GSE1: variants seen among roughly 807,000 people sequenced by gnomAD.
GSE1 encodes the protein genetic suppressor element 1.
In GSE1, 32 loss-of-function variants were observed where a neutral mutation model predicts 112.6. The ratio of observed to expected loss-of-function variants is 0.28; its 90% CI spans 0.21 to 0.38. The LOEUF (loss-of-function observed/expected upper bound fraction) is 0.38, where lower values mean the gene tolerates loss of function less well. GSE1 is among the 10% of genes least tolerant of loss of function. The pLI is 1.00. For missense variants in GSE1, 2,348 were observed against 1,699.2 expected (o/e 1.38, Z -6.71); for synonymous variants, 1,115 against 735.6 (o/e 1.52, Z -8.35).
chr16:85,394,836 C>T (rs1373900457), intron 2 of GSE1, among the ~76,000 whole-genome samples: 1 of 152,192 alleles, frequency 6.6e-6, no homozygotes, highest in Non-Finnish European at 1.5e-5. Flanking sequence ...CATGCCAGCC[C>T]TGGCTCCTTG....
At chr16:85,504,207 G>C (rs1197061978) in intron 2 of GSE1, among the ~76,000 whole-genome samples, 1 of 152,244 alleles carries the variant, frequency 6.6e-6, no homozygotes, top group African/African-American at 2.4e-5. Flanking sequence ...GGGCTGAGGA[G>C]GGTGGGTGTG....
At chr16:85,566,522 C>T (rs974316289) in intron 1 of GSE1, among the ~76,000 whole-genome samples, 4 of 152,222 alleles carry the variant, frequency 2.6e-5, no homozygotes, top group Non-Finnish European at 5.9e-5. Context: ...AGCCCGGCCT[C>T]AGCGGAGAAT....
intron 1 of GSE1, among the ~76,000 whole-genome samples, chr16:85,260,073 G>T (rs372452418): frequency 6.6e-6 from 1 of 152,128 alleles, no homozygotes; most frequent in Non-Finnish European, 1.5e-5. Context: ...TGGTGTCCCC[G>T]TGTGAGCCCC....
chr16:85,508,779 TC>T (rs1425133026), intron 2 of GSE1, among the ~76,000 whole-genome samples: 1 of 152,234 alleles, frequency 6.6e-6, no homozygotes, highest in African/African-American at 2.4e-5. Flanking sequence ...TCACGCTTTG[TC>T]TTTTACCTGA....
chr16:85,644,852 A>G (rs1326659260), intron 2 of GSE1, among the ~76,000 whole-genome samples: 2 of 53,924 alleles, frequency 3.7e-5, no homozygotes, highest in African/African-American at 4.2e-4. Flanking sequence ...TGGAGGTTCC[A>G]TGGAATTTTT....
intron 1 of GSE1, among the ~76,000 whole-genome samples, chr16:85,174,241 A>AT (rs1273616760): frequency 1.3e-5 from 2 of 152,176 alleles, no homozygotes; most frequent in Non-Finnish European, 2.9e-5. Flanking sequence ...GAAATCAGGA[A>AT]TAGGAGGTTG....
intron 2 of GSE1, among the ~76,000 whole-genome samples, chr16:85,531,205 T>A (rs1455975581): frequency 6.6e-6 from 1 of 152,226 alleles, no homozygotes; most frequent in African/African-American, 2.4e-5. Flanking sequence ...AGTGTGTCCT[T>A]TAGCCCCACT....
intron 1 of GSE1, among the ~76,000 whole-genome samples, chr16:85,228,057 G>A (rs2075519141): frequency 6.6e-6 from 1 of 152,190 alleles, no homozygotes; most frequent in African/African-American, 2.4e-5. Context: ...CAAGTGGAGG[G>A]GCAGTGGGCG....
At chr16:85,497,931 C>G (rs938152768) in intron 2 of GSE1, among the ~76,000 whole-genome samples, 5 of 152,142 alleles carry the variant, frequency 3.3e-5, no homozygotes, top group African/African-American at 1.2e-4. Flanking sequence ...GCCTGGGGAG[C>G]TGACATCGCT....
chr16:85,312,873 T>G (rs1227838787), intron 1 of GSE1, among the ~76,000 whole-genome samples: 2 of 152,144 alleles, frequency 1.3e-5, no homozygotes, highest in Admixed American at 6.5e-5. Context: ...CTCCCCACAC[T>G]GTCCAACCCT....
intron 2 of GSE1, among the ~76,000 whole-genome samples, chr16:85,644,927 T>C (rs1489182040): frequency 6.6e-6 from 1 of 152,006 alleles, no homozygotes; most frequent in East Asian, 1.9e-4. Context: ...AAGTGAACTT[T>C]TTCTCAAAAT....
At chr16:85,538,114 C>G (rs1014016339) in intron 2 of GSE1, among the ~76,000 whole-genome samples, 5 of 152,346 alleles carry the variant, frequency 3.3e-5, no homozygotes, top group African/African-American at 1.2e-4. Context: ...AATCAGGAGA[C>G]CCAGGCCAGA....
intron 1 of GSE1, among the ~76,000 whole-genome samples, chr16:85,630,711 G>T (rs1288309017): frequency 6.6e-6 from 1 of 152,228 alleles, no homozygotes; most frequent in Non-Finnish European, 1.5e-5. Flanking sequence ...GCCATGGTTG[G>T]GCCGTGTACT....
At chr16:85,613,257 C>T, upstream of GSE1, 1 of 1,526,546 alleles carries the variant, frequency 6.6e-7, no homozygotes. Context: ...GGCCGGGGCC[C>T]CGGAAGCTCC....
rs114873530 is a variant in GSE1 at position 85,475,057 on chromosome 16, C to T, written c.2464+117414C>T. ...TGCTACCACTAATGTGGCCCAGGGACGATAAATTGTGCCTTGTAATAACAC... is the reference window on the plus strand; with the variant it reads ...TGCTACCACTAATGTGGCCCAGGGATGATAAATTGTGCCTTGTAATAACAC... On this transcript the variant is annotated intron_variant, in intron 2 of 2. Coordinates refer to the GSE1 transcript ENST00000637419. Among the ~76,000 whole-genome samples the T allele has an allele frequency of 3.5e-3, 529 of 152,232 alleles. 1 individual carries two copies. Among genetic ancestry groups the T allele is most frequent in the African/African-American group, 0.011 (469 of 41,536 alleles).
chr16:85,376,438 C>T (rs573762160), intron 2 of GSE1, among the ~76,000 whole-genome samples: 34 of 152,292 alleles, frequency 2.2e-4, no homozygotes, highest in South Asian at 1.9e-3. Flanking sequence ...GGTGGCTGCG[C>T]GGGCTGGTCT....
chr16:85,487,601 G>A (rs1012900252), intron 2 of GSE1, among the ~76,000 whole-genome samples: 27 of 152,302 alleles, frequency 1.8e-4, no homozygotes, highest in East Asian at 5.8e-4. Context: ...AGCTGAGAAC[G>A]GCAGAGCCAG....
At chr16:85,254,569 G>A (rs1378386829) in intron 1 of GSE1, among the ~76,000 whole-genome samples, 1 of 152,168 alleles carries the variant, frequency 6.6e-6, no homozygotes, top group African/African-American at 2.4e-5. Flanking sequence ...GCTTCTGGGG[G>A]GCCCTTGCCA....
intron 1 of GSE1, among the ~76,000 whole-genome samples, chr16:85,580,381 C>T (rs928867078): frequency 1.3e-5 from 2 of 152,126 alleles, no homozygotes; most frequent in South Asian, 2.1e-4. Flanking sequence ...GGGCAGCAGC[C>T]GGCCAGCCCT....
Sources: gnomAD v4.1 joint callset for allele counts (sites outside exome capture counted in the v4.1 genomes callset) on GRCh38, gnomAD v4.1.1 for gene constraint, MANE v1.5 for transcripts, NCBI Gene and HGNC (gene_info 2026-07-23, HGNC 2026-07-21) for gene names.